NETO1: variants seen among roughly 807,000 people sequenced by gnomAD.
NETO1 encodes neuropilin and tolloid-like protein 1.
A neutral mutation model predicts 61.3 loss-of-function variants in NETO1; 26 were observed. The ratio of observed to expected loss-of-function variants is 0.42; its 90% CI spans 0.31 to 0.59. NETO1 has a LOEUF of 0.59. Among genes scored for constraint, NETO1 ranks in the 20% least tolerant of loss-of-function variants. The probability of loss-of-function intolerance (pLI) is 0.12; values close to 1 mark genes in which losing one functional copy is unlikely to be tolerated. For missense variants in NETO1, 531 were observed against 662.8 expected (o/e 0.80, Z 2.18); for synonymous variants, 225 against 225.8 (o/e 1.00, Z 0.03).
At chr18:72,772,734 C>T (rs1362769484) in intron 7 of NETO1, among the ~76,000 whole-genome samples, 6 of 124,288 alleles carry the variant, frequency 4.8e-5, no homozygotes, top group Admixed American at 3.5e-4. Context: ...GTATCATGTA[C>T]ACACACACAT....
Position 72,744,253 on chromosome 18 carries a change from A to G in NETO1, c.*3926T>C, listed in dbSNP as rs886582338. The stretch of plus-strand genomic sequence containing the variant: ...TTTATTTATTTTGATGATACAATTC[A>G]GTTAAATTTGTGGTACAATTCAAAC... On this transcript the variant is annotated 3_prime_UTR_variant, in exon 11 of 11. Transcript: ENST00000327305. 1.3e-5 allele frequency: 2 copies of G among 152,216 alleles called. No individual in the cohort carries two copies. 9.4% of individuals were successfully genotyped at this position (152,216 alleles called of 1,614,324 possible).
chr18:72,780,647 TTTCA>T (rs1457025470), intron 7 of NETO1, among the ~76,000 whole-genome samples: 1 of 152,204 alleles, frequency 6.6e-6, no homozygotes, highest in African/African-American at 2.4e-5. Context: ...ATAGGCATTC[TTTCA>T]AATTTTGAAT....
chr18:72,806,461 T>C (rs1176929541), intron 4 of NETO1, among the ~76,000 whole-genome samples: 2 of 152,188 alleles, frequency 1.3e-5, no homozygotes, highest in Non-Finnish European at 2.9e-5. Context: ...TAATCACTCC[T>C]ATACATAGTA....
rs942249720 is a variant in NETO1, at chr18:72,744,203, C to T, written c.*3976G>A. 1 of 152,050 alleles carries T rather than the reference C, an allele frequency of 6.6e-6. No individual in the cohort carries two copies. Among genetic ancestry groups the T allele is most frequent in the South Asian group, 2.1e-4 (1 of 4,822 alleles). 9.4% of individuals were successfully genotyped at this position (152,050 alleles called of 1,614,324 possible). Reference sequence around the variant, plus strand: ...ATATGAGTGTCTGACATCAGTCACCCTAATTGTTATTTTTATTACCCTGTT... The same window carrying T: ...ATATGAGTGTCTGACATCAGTCACCTTAATTGTTATTTTTATTACCCTGTT... On this transcript the variant is annotated 3_prime_UTR_variant, in exon 11 of 11. Transcript: ENST00000327305.
chr18:72,793,204 CAATA>C (rs1014116902), intron 6 of NETO1, among the ~76,000 whole-genome samples: 2 of 152,092 alleles, frequency 1.3e-5, no homozygotes, highest in African/African-American at 4.8e-5. Flanking sequence ...GTTTCAATCT[CAATA>C]AATAAATGAC....
At chr18:72,780,160 G>A (rs2071688065) in intron 7 of NETO1, among the ~76,000 whole-genome samples, 1 of 152,154 alleles carries the variant, frequency 6.6e-6, no homozygotes, top group African/African-American at 2.4e-5. Context: ...CATGACTAAA[G>A]GATAAACCTG....
rs1487691167 is a variant in NETO1, at chr18:72,749,165, G to A, written c.1542-77C>T. On this transcript the variant is annotated intron_variant, in intron 9 of 10. Transcript: ENST00000327305. ...TATGTATACAAATATTTACTCAAAAGCATTTTTAAAATTCAGAAAACTGTG... is the reference window on the plus strand; with the variant it reads ...TATGTATACAAATATTTACTCAAAAACATTTTTAAAATTCAGAAAACTGTG... 9.9e-6 allele frequency: 9 copies of A among 907,796 alleles called. No individual in the cohort carries two copies. The East Asian group carries it at 2.2e-4, about 22-fold the overall frequency. The allele number at this position is 907,796 out of a possible 1,614,324, so 56.2% of individuals were successfully genotyped here.
At chr18:72,786,648 A>T (rs2071928930) in intron 6 of NETO1, among the ~76,000 whole-genome samples, 1 of 152,072 alleles carries the variant, frequency 6.6e-6, no homozygotes. Context: ...AAACTCAGAT[A>T]TTACTCATGC....
At chr18:72,862,068 T>C (rs181744632) in intron 3 of NETO1, among the ~76,000 whole-genome samples, 1 of 152,270 alleles carries the variant, frequency 6.6e-6, no homozygotes, top group African/African-American at 2.4e-5. Context: ...ATTCCATTAC[T>C]TTTTTCCCCA....
intron 4 of NETO1, among the ~76,000 whole-genome samples, chr18:72,824,314 C>T (rs2073305689): frequency 6.6e-6 from 1 of 152,200 alleles, no homozygotes; most frequent in Non-Finnish European, 1.5e-5. Flanking sequence ...TTCTAGTCTC[C>T]TTTCCATGGC....
intron 7 of NETO1, 30 bp downstream of exon 7, chr18:72,783,648 G>A (rs1039422285): frequency 1.3e-6 from 2 of 1,596,090 alleles, no homozygotes; most frequent in Non-Finnish European, 1.7e-6. Context: ...CATATACGAA[G>A]GAAAAATAGT....
At position 72,858,819 on chromosome 18, in the gene NETO1, T is replaced by TA; in HGVS notation, c.469+6dup. ...AAAAGAAATTTTTTTTTTAAGTACT[T>TA]ACTTACCAGGTGTGAAATTGTATCG... On this transcript the variant is annotated splice_region_variant and intron_variant, in intron 4 of 10. Transcript: ENST00000327305. 1.3e-6 allele frequency: 2 copies of TA among 1,592,602 alleles called. No homozygotes were observed. The highest frequency in any genetic ancestry group is 1.7e-6 in the Non-Finnish European group (2 of 1,173,028).
At chr18:72,791,857 C>CTAGG (rs2072129856) in intron 6 of NETO1, among the ~76,000 whole-genome samples, 1 of 152,144 alleles carries the variant, frequency 6.6e-6, no homozygotes, top group Non-Finnish European at 1.5e-5. Flanking sequence ...ACCTAGCTCT[C>CTAGG]TTGTAATACA....
intron 4 of NETO1, among the ~76,000 whole-genome samples, chr18:72,809,681 CTGT>C (rs1465330550): frequency 7.2e-5 from 11 of 152,182 alleles, no homozygotes; most frequent in African/African-American, 2.2e-4. Context: ...AAATCAAATA[CTGT>C]TGTTGTAGCC....
chr18:72,763,376 T>C (rs1257680248), intron 7 of NETO1, among the ~76,000 whole-genome samples: 6 of 152,192 alleles, frequency 3.9e-5, no homozygotes, highest in Admixed American at 1.3e-4. Context: ...CTGGAACACA[T>C]GTTCCCTGGA....
At chr18:72,778,076 A>G (rs926158775) in intron 7 of NETO1, among the ~76,000 whole-genome samples, 7 of 152,190 alleles carry the variant, frequency 4.6e-5, no homozygotes, top group Non-Finnish European at 8.8e-5. Context: ...AGTGAGGAAG[A>G]CTACTGCCAG....
In NETO1 at chr18:72,794,238, T is replaced by C; in HGVS notation, c.518A>G (p.Glu173Gly). 6.2e-7 allele frequency: 1 copy of C among 1,614,092 alleles called. No homozygotes were observed. Among genetic ancestry groups the C allele is most frequent in the Non-Finnish European group, 8.5e-7 (1 of 1,179,994 alleles). The change falls in exon 6 of 11, where the codon GAG becomes GGG. Residue 173 changes from glutamate (E) to glycine (G), a missense_variant. Coordinates refer to ENST00000327305, the MANE Select transcript of NETO1 (RefSeq NM_138966.5). ...LGALKPLPAC[E>G]FEMGGSEGIV... ...TCCTTCGGAACCGCCCATCTCAAAC[T>C]CACACGCTAAATAACAAAATGCCAA...
rs2070555844 is a variant in NETO1 at position 72,750,359 on chromosome 18, TCAAAGTCATCTGCCACATCTG to T, written c.1223_1243del (p.Ala408_Phe414del). 1 of 1,613,974 alleles carries T rather than the reference TCAAAGTCATCTGCCACATCTG, an allele frequency of 6.2e-7. No homozygotes were observed. Among genetic ancestry groups the T allele is most frequent in the Admixed American group, 1.7e-5 (1 of 59,982 alleles). ...TGACCTCCGCAGTTTATGGTAATTT[TCAAAGTCATCTGCCACATCTG>T]CAAAGTCAGCTGTAGCTCCTGTCCC... On this transcript the variant is annotated inframe_deletion, in exon 9 of 11. Coordinates refer to ENST00000327305, the MANE Select transcript of NETO1 (RefSeq NM_138966.5).
At chr18:72,748,969 C>G in intron 10 of NETO1, 45 bp downstream of exon 10, 1 of 1,201,240 alleles carries the variant, frequency 8.3e-7, no homozygotes, top group South Asian at 1.2e-5. Flanking sequence ...TGCAACAAAA[C>G]AGAATACGAC....
Sources: allele counts gnomAD v4.1 joint callset (sites outside exome capture counted in the v4.1 genomes callset), GRCh38; gene constraint gnomAD v4.1.1; transcripts MANE v1.5; gene names NCBI Gene and HGNC (gene_info 2026-07-23, HGNC 2026-07-21).